ODAD4: variants seen among roughly 807,000 people sequenced by gnomAD.
ODAD4 encodes the protein outer dynein arm-docking complex subunit 4.
Under a neutral mutation model 51.8 loss-of-function variants are expected in ODAD4, and 49 were observed. The ratio of observed to expected loss-of-function variants is 0.95; its 90% CI spans 0.75 to 1.20. ODAD4 has a LOEUF of 1.20. Ranked by LOEUF, ODAD4 falls within the 50% of genes most tolerant of loss-of-function variation. ODAD4 has a pLI of 0.00. For missense variants in ODAD4, 590 were observed against 586.5 expected, an observed-to-expected ratio of 1.01 and a Z score of -0.06; for synonymous variants, 235 against 221.3, an observed-to-expected ratio of 1.06 and a Z score of -0.55.
chr17:41,956,708 C>A (rs2050739182), intron 10 of ODAD4, among the ~76,000 whole-genome samples: 1 of 151,642 alleles, frequency 6.6e-6, no homozygotes, highest in African/African-American at 2.4e-5. Flanking sequence ...GTGATCTCAC[C>A]CCTGCACTCC....
chr17:41,947,310 A>G (rs1436494771), intron 8 of ODAD4, among the ~76,000 whole-genome samples: 3 of 147,040 alleles, frequency 2.0e-5, no homozygotes, highest in Non-Finnish European at 4.5e-5. Flanking sequence ...TGTCTCTACT[A>G]AAAAAAAAGA....
chr17:41,944,333 C>A (rs1555639101), intron 7 of ODAD4, among the ~76,000 whole-genome samples: 1 of 151,736 alleles, frequency 6.6e-6, no homozygotes, highest in Non-Finnish European at 1.5e-5. Context: ...CACCGCACTC[C>A]AACCTGGGTG....
chr17:41,930,671 T>C lies in ODAD4; in HGVS notation c.-53T>C. The C allele has an allele frequency of 8.4e-7, 1 of 1,193,428 alleles. No individual in the cohort carries two copies. The highest frequency in any genetic ancestry group is 1.2e-6 in the Non-Finnish European group (1 of 819,520). 73.9% of individuals were successfully genotyped at this position (1,193,428 alleles called of 1,614,324 possible). On this transcript the variant is annotated 5_prime_UTR_variant, in exon 1 of 12. Coordinates refer to ENST00000377540, the MANE Select transcript of ODAD4 (RefSeq NM_031421.5). ...GAGCTTCCACAAACCAGATAGAGGT[T>C]CTCCAGCTTTTCTTTGATTGTCTCT...
intron 8 of ODAD4, among the ~76,000 whole-genome samples, chr17:41,947,057 T>C (rs1390364323): frequency 2.0e-5 from 3 of 151,296 alleles, no homozygotes; most frequent in Admixed American, 6.6e-5. Context: ...CCCGCGTTGG[T>C]CAGGCTGGTC....
intron 7 of ODAD4, among the ~76,000 whole-genome samples, chr17:41,940,653 C>T (rs751612901): frequency 1.3e-5 from 2 of 152,190 alleles, no homozygotes; most frequent in Non-Finnish European, 1.5e-5. Flanking sequence ...TTAAGTTGCT[C>T]CTCTACTCAG....
In ODAD4 at chr17:41,955,302, G is replaced by A. The variant is rs782810380; in HGVS notation, c.1428G>A (p.Gln476=). The part of the protein sequence containing the change: ...RAKLVHNNEA[Q]QAIISALDDA... The stretch of plus-strand genomic sequence containing the variant: ...AGCTTGTGCATAACAACGAGGCGCA[G>A]CAGGCCATCATCAGTGTGAGCCTTT... Residue 476 remains glutamine, a synonymous_variant, in exon 10 of 12, where the codon CAG becomes CAA. Transcript: ENST00000377540. 5.1e-6 allele frequency: 4 copies of A among 778,794 alleles called. No individual in the cohort carries two copies. In the Admixed American group the frequency reaches 6.8e-5, roughly 13 times the overall value. The allele number at this position is 778,794 out of a possible 1,614,324, so 48.2% of individuals were successfully genotyped here. A position where few individuals can be genotyped will look rare whatever the true frequency, so the allele number is the denominator to read the frequency against.
chr17:41,959,453 G>T, intron 10 of ODAD4, among the ~76,000 whole-genome samples: 1 of 152,216 alleles, frequency 6.6e-6, no homozygotes, highest in African/African-American at 2.4e-5. Context: ...AAGGGGCATG[G>T]CCTCAGGGAC....
At chr17:41,961,770 G>A (rs996416311) in intron 11 of ODAD4, among the ~76,000 whole-genome samples, 5 of 152,218 alleles carry the variant, frequency 3.3e-5, no homozygotes, top group Non-Finnish European at 7.3e-5. Flanking sequence ...TCTGGGGAGA[G>A]AGGCCCATCC....
chr17:41,956,263 G>A (rs782343274), intron 10 of ODAD4, among the ~76,000 whole-genome samples: 1 of 151,534 alleles, frequency 6.6e-6, no homozygotes, highest in Non-Finnish European at 1.5e-5. Flanking sequence ...TGGCCAGGCT[G>A]GTTTGGAACT....
Position 41,935,714 on chromosome 17 carries a change from A to G in ODAD4, c.362A>G (p.Gln121Arg). 6.2e-7 allele frequency: 1 copy of G among 1,613,998 alleles called. No individual in the cohort carries two copies. Among genetic ancestry groups the G allele is most frequent in the Non-Finnish European group, 8.5e-7 (1 of 1,179,874 alleles). ...GATCGGGAATTCAGAGTTGGCATTC[A>G]GAAAGCCCAGGAAGCCATCAACAAC... Reference protein sequence around the residue: ...RPDREFRVGIQKAQEAINNSV... With the variant: ...RPDREFRVGIRKAQEAINNSV... The change falls in exon 3 of 12, where the codon CAG becomes CGG. Residue 121 changes from glutamine to arginine, a missense_variant. By Grantham distance (43) the Gln-to-Arg change is conservative. Around this residue, in one of 3 missense-constraint regions of ODAD4, gnomAD observed 360 missense variants for 407.5 expected, o/e 0.88. Coordinates refer to ENST00000377540, the MANE Select transcript of ODAD4 (RefSeq NM_031421.5).
At chr17:41,951,112 T>A (rs2050645274) in intron 9 of ODAD4, among the ~76,000 whole-genome samples, 1 of 148,242 alleles carries the variant, frequency 6.7e-6, no homozygotes, top group East Asian at 2.0e-4. Context: ...TGAGATGGAG[T>A]CTTGCTCTGT....
rs2050566971 is a variant in ODAD4 at position 41,945,051 on chromosome 17, T to C, written c.1059-85T>C. ...AACCCTGAGTTTCTGAGGCCAGGGC[T>C]CCTGTCTTTGCCTTCTTTCCTATTT... On this transcript the variant is annotated intron_variant, in intron 7 of 11. Transcript: ENST00000377540. The C allele has an allele frequency of 4.6e-6, 5 of 1,078,912 alleles. No homozygotes were observed. The East Asian group carries it at 1.0e-4, about 22-fold the overall frequency. The allele number at this position is 1,078,912 out of a possible 1,614,324, so 66.8% of individuals were successfully genotyped here.
At chr17:41,938,526 C>T (rs559801424) in intron 5 of ODAD4, 31 bp from the exon 6 acceptor site, 2 of 1,593,366 alleles carry the variant, frequency 1.3e-6, no homozygotes, top group Non-Finnish European at 1.7e-6. Context: ...GCCTGTTCTC[C>T]TTGGCGCCTC....
chr17:41,939,231 T>C, intron 7 of ODAD4, 59 bp downstream of exon 7: 1 of 1,490,284 alleles, frequency 6.7e-7, no homozygotes, highest in East Asian at 2.3e-5. Flanking sequence ...CCTGGGGCTA[T>C]CTGAGGCCCT....
At chr17:41,944,068 A>G (rs557963517) in intron 7 of ODAD4, among the ~76,000 whole-genome samples, 1 of 151,944 alleles carries the variant, frequency 6.6e-6, no homozygotes, top group East Asian at 1.9e-4. Flanking sequence ...GTGGTGGCAC[A>G]TGCCTGTAAT....
At chr17:41,948,244 T>C (rs2144516657) in intron 8 of ODAD4, among the ~76,000 whole-genome samples, 1 of 152,178 alleles carries the variant, frequency 6.6e-6, no homozygotes, top group Admixed American at 6.5e-5. Flanking sequence ...CTTTTATTGA[T>C]ACTGTGTTTT....
At position 41,955,303 on chromosome 17, in the gene ODAD4, C is replaced by T; in HGVS notation, c.1429C>T (p.Gln477Ter). 1.3e-6 allele frequency: 1 copy of T among 778,788 alleles called. No homozygotes were observed. Among genetic ancestry groups the T allele is most frequent in the East Asian group, 2.4e-5 (1 of 41,234 alleles). The allele number at this position is 778,788 out of a possible 1,614,324, so 48.2% of individuals were successfully genotyped here. Residue 477 changes from glutamine (Q) to a stop codon, truncating the protein, a stop_gained, in exon 10 of 12, where the codon CAG becomes TAG. Transcript: ENST00000377540. LOFTEE classifies it high-confidence loss of function. ...GCTTGTGCATAACAACGAGGCGCAG[C>T]AGGCCATCATCAGTGTGAGCCTTTC... is the stretch of plus-strand genomic sequence containing the variant. The part of the protein sequence containing the change: ...AKLVHNNEAQ[Q>*]AIISALDDAN...
intron 1 of ODAD4, among the ~76,000 whole-genome samples, chr17:41,932,334 G>A (rs139130833): frequency 6.6e-6 from 1 of 151,998 alleles, no homozygotes. Flanking sequence ...GCCTCCCAAA[G>A]TGCTGGGATT....
intron 1 of ODAD4, among the ~76,000 whole-genome samples, chr17:41,933,644 C>T (rs1555637278): frequency 6.6e-6 from 1 of 150,874 alleles, no homozygotes; most frequent in Non-Finnish European, 1.5e-5. Context: ...AAGAGCAAAA[C>T]GCCATCTCAA....
Sources: allele counts gnomAD v4.1 joint callset (sites outside exome capture counted in the v4.1 genomes callset), GRCh38; gene constraint gnomAD v4.1.1; regional missense constraint gnomAD v4.1.1; transcripts MANE v1.5; gene names NCBI Gene and HGNC (gene_info 2026-07-23, HGNC 2026-07-21).